The following SHISA9 variants were observed in gnomAD, a reference collection of about 807,000 sequenced individuals.
SHISA9 encodes protein shisa-9.
A neutral mutation model predicts 38.0 loss-of-function variants in SHISA9; 13 were observed. That is an observed-to-expected ratio of 0.34 (90% CI 0.22 to 0.54). SHISA9 has a LOEUF of 0.54. SHISA9 is among the 20% of genes least tolerant of loss of function. SHISA9 has a pLI of 0.91. For missense variants in SHISA9, 538 were observed against 575.8 expected (o/e 0.93, Z 0.67); for synonymous variants, 275 against 242.0 (o/e 1.14, Z -1.27).
At chr16:12,984,022 A>G (rs965395587) in intron 2 of SHISA9, among the ~76,000 whole-genome samples, 1 of 152,146 alleles carries the variant, frequency 6.6e-6, no homozygotes, top group African/African-American at 2.4e-5. Context: ...TAAAAAATGT[A>G]AATACTTGCT....
At chr16:13,526,779 G>T in the SHISA9 span, among the ~76,000 whole-genome samples, 45 of 152,198 alleles carry the variant, frequency 3.0e-4, no homozygotes, top group African/African-American at 1.1e-3. Flanking sequence ...CCCTACCCCA[G>T]ACCGATTAAT....
intron 2 of SHISA9, among the ~76,000 whole-genome samples, chr16:12,941,726 C>A (rs1191150349): frequency 6.6e-6 from 1 of 152,132 alleles, no homozygotes; most frequent in Non-Finnish European, 1.5e-5. Context: ...TGGCACATGC[C>A]TGTAATCGCA....
intron 2 of SHISA9, among the ~76,000 whole-genome samples, chr16:13,200,455 G>A (rs1324501273): frequency 7.7e-6 from 1 of 129,332 alleles, no homozygotes; most frequent in East Asian, 2.1e-4. Context: ...AGCAGCAGCA[G>A]CAGCAGCAGC....
chr16:12,940,371 C>G (rs140726404), intron 2 of SHISA9, among the ~76,000 whole-genome samples: 4 of 152,264 alleles, frequency 2.6e-5, no homozygotes, highest in African/African-American at 9.6e-5. Flanking sequence ...TGCTACAACC[C>G]CAGTCCACAT....
At chr16:13,558,268 C>G in the SHISA9 span, among the ~76,000 whole-genome samples, 46 of 152,278 alleles carry the variant, frequency 3.0e-4, no homozygotes, top group African/African-American at 1.1e-3. Flanking sequence ...TTCTAGCATT[C>G]ACATCCCACA....
At chr16:13,216,167 G>T (rs2051166061) in intron 4 of SHISA9, among the ~76,000 whole-genome samples, 1 of 144,796 alleles carries the variant, frequency 6.9e-6, no homozygotes. Context: ...ACCCTGGGCG[G>T]CAGAGCGAGA....
intron 2 of SHISA9, among the ~76,000 whole-genome samples, chr16:13,076,258 T>G (rs1241632028): frequency 6.6e-6 from 1 of 152,136 alleles, no homozygotes; most frequent in Non-Finnish European, 1.5e-5. Flanking sequence ...CTCAAACTCC[T>G]GACCTCAGGC....
chr16:13,046,217 A>C (rs1030838098), intron 2 of SHISA9, among the ~76,000 whole-genome samples: 4 of 152,218 alleles, frequency 2.6e-5, no homozygotes, highest in African/African-American at 9.6e-5. Context: ...ATGTAGAATC[A>C]TAGTTGTATT....
At chr16:12,926,325 T>G (rs2071393130) in intron 2 of SHISA9, among the ~76,000 whole-genome samples, 1 of 152,218 alleles carries the variant, frequency 6.6e-6, no homozygotes, top group Admixed American at 6.5e-5. Flanking sequence ...ATTGCAGTAT[T>G]AGACTACATT....
the SHISA9 span, among the ~76,000 whole-genome samples, chr16:13,533,424 T>C: frequency 0.82 from 124,369 of 152,126 alleles, 51,044 homozygotes; most frequent in East Asian, 0.99. Context: ...TGAAAAGTTC[T>C]GCTGTTTTCC....
chr16:12,903,832 C>G lies in SHISA9; in HGVS notation c.563+1205C>G, dbSNP rs2071056687. ...TGTGCGCGCGTGTGTGCACGCGCTC[C>G]GTGTGATGCCTAAAAAATCTGAACA... On this transcript the variant is annotated intron_variant, in intron 1 of 4. Transcript: ENST00000558583. Among the ~76,000 whole-genome samples the G allele has an allele frequency of 2.0e-5, 3 of 152,132 alleles. No homozygotes were observed. The South Asian group carries it at 6.2e-4, about 31-fold the overall frequency.
At chr16:13,092,254 C>T (rs552790206) in intron 2 of SHISA9, among the ~76,000 whole-genome samples, 1 of 152,360 alleles carries the variant, frequency 6.6e-6, no homozygotes, top group South Asian at 2.1e-4. Context: ...TGGGAGGTGT[C>T]TCCCAGTTAG....
chr16:12,975,682 G>T (rs2072151865), intron 2 of SHISA9, among the ~76,000 whole-genome samples: 1 of 150,098 alleles, frequency 6.7e-6, no homozygotes, highest in East Asian at 2.0e-4. Context: ...ATGTCACTAT[G>T]AATAGGCCTG....
At chr16:12,996,836 C>T (rs761180487) in intron 2 of SHISA9, among the ~76,000 whole-genome samples, 7 of 152,178 alleles carry the variant, frequency 4.6e-5, no homozygotes, top group East Asian at 1.9e-4. Flanking sequence ...AAAAAAGTTT[C>T]GTGGCTAAGA....
At chr16:13,051,715 C>A (rs779489929) in intron 2 of SHISA9, among the ~76,000 whole-genome samples, 35 of 152,000 alleles carry the variant, frequency 2.3e-4, no homozygotes, top group Non-Finnish European at 7.4e-5. Flanking sequence ...GAATCAGAGC[C>A]CAATTTGCTT....
chr16:13,183,196 G>A (rs1041846942), intron 2 of SHISA9, among the ~76,000 whole-genome samples: 48 of 152,166 alleles, frequency 3.2e-4, no homozygotes, highest in African/African-American at 1.1e-3. Context: ...AATAAGAAGG[G>A]CCACAGACCT....
At chr16:13,094,673 G>A (rs1259973560) in intron 2 of SHISA9, among the ~76,000 whole-genome samples, 1 of 152,100 alleles carries the variant, frequency 6.6e-6, no homozygotes, top group Non-Finnish European at 1.5e-5. Context: ...TTTCCCCATT[G>A]AAGGACTCTT....
intron 2 of SHISA9, among the ~76,000 whole-genome samples, chr16:12,994,339 A>G (rs1270956786): frequency 6.6e-6 from 1 of 152,174 alleles, no homozygotes; most frequent in African/African-American, 2.4e-5. Flanking sequence ...TTGTTCAGTG[A>G]CATTGAACAA....
At chr16:13,204,240 CTA>C (rs752079762) in intron 3 of SHISA9, among the ~76,000 whole-genome samples, 11 of 151,508 alleles carry the variant, frequency 7.3e-5, no homozygotes, top group Non-Finnish European at 1.3e-4. Context: ...ATCTATCTAT[CTA>C]TCTATCTACC....
Sources: allele counts gnomAD v4.1 joint callset (sites outside exome capture counted in the v4.1 genomes callset), GRCh38; gene constraint gnomAD v4.1.1; transcripts MANE v1.5; gene names NCBI Gene and HGNC (gene_info 2026-07-23, HGNC 2026-07-21).